Variants in ZDHHC11B observed in about 807,000 individuals in gnomAD.
The protein encoded by ZDHHC11B is zDHHC palmitoyltransferase 11B (putative), also known as probable palmitoyltransferase ZDHHC11B.
In ZDHHC11B, 17 loss-of-function variants were observed where a neutral mutation model predicts 42.3. That is an observed-to-expected ratio of 0.40 (90% CI 0.27 to 0.60). The LOEUF is 0.60. Among genes scored for constraint, ZDHHC11B ranks in the 20% least tolerant of loss-of-function variants. The pLI is 0.41. For missense variants in ZDHHC11B, 262 were observed against 463.2 expected, an observed-to-expected ratio of 0.57 and a Z score of 3.99; for synonymous variants, 123 against 193.5, an observed-to-expected ratio of 0.64 and a Z score of 3.02.
intron 1 of ZDHHC11B, among the ~76,000 whole-genome samples, chr5:769,891 G>C (rs1486064560): frequency 1.3e-5 from 2 of 151,926 alleles, no homozygotes; most frequent in African/African-American, 2.4e-5. Context: ...AAGGCCTCTC[G>C]GCAGCTTTTC....
intron 1 of ZDHHC11B, among the ~76,000 whole-genome samples, chr5:780,479 C>G (rs1220085192): frequency 6.6e-6 from 1 of 150,608 alleles, no homozygotes; most frequent in Non-Finnish European, 1.5e-5. Flanking sequence ...TCCACGTTAG[C>G]CAGCACAGCA....
In ZDHHC11B at chr5:710,850, GTA is replaced by G. The variant is rs1360728414; in HGVS notation, c.*1438_*1439del. On this transcript the variant is annotated 3_prime_UTR_variant, in exon 14 of 14. Coordinates refer to ENST00000508859, the MANE Select transcript of ZDHHC11B (RefSeq NM_001351303.2). ...CAGTACTGTGAGCTCCCATTTCCCA[GTA>G]CTGTGAGCTCCCATTTCCCAGTACT... The G allele has an allele frequency of 1.6e-4, 24 of 145,856 alleles. No individual in the cohort carries two copies. The highest frequency in any genetic ancestry group is 3.4e-4 in the Non-Finnish European group (23 of 67,158). The allele number at this position is 145,856 out of a possible 1,614,324, so 9.0% of individuals were successfully genotyped here.
chr5:777,565 C>G (rs969308152), intron 1 of ZDHHC11B, among the ~76,000 whole-genome samples: 1 of 151,952 alleles, frequency 6.6e-6, no homozygotes, highest in African/African-American at 2.4e-5. Flanking sequence ...CAGGGCGTTC[C>G]GGCTACCCGC....
At chr5:766,415 G>A (rs1735380641) in intron 4 of ZDHHC11B, among the ~76,000 whole-genome samples, 1 of 151,944 alleles carries the variant, frequency 6.6e-6, no homozygotes, top group African/African-American at 2.4e-5. Context: ...CCTGAGCCAT[G>A]TGGGAGCGGT....
At chr5:728,517 T>G (rs1297858002) in intron 12 of ZDHHC11B, among the ~76,000 whole-genome samples, 19 of 151,862 alleles carry the variant, frequency 1.3e-4, no homozygotes, top group African/African-American at 4.6e-4. Context: ...ATGCACATCA[T>G]GAGAGGGTGA....
rs1298852279 is a variant in ZDHHC11B at position 716,704 on chromosome 5, G to T, written c.*7+97C>A. On this transcript the variant is annotated intron_variant, in intron 13 of 13. Coordinates refer to ENST00000508859, the MANE Select transcript of ZDHHC11B (RefSeq NM_001351303.2). ...ACAAACGACAAGCAGCCCAGCCCTTGAGTTTGCACTGGTGATTTTTTAAAG... is the reference window on the plus strand; with the variant it reads ...ACAAACGACAAGCAGCCCAGCCCTTTAGTTTGCACTGGTGATTTTTTAAAG... 88 of 1,474,308 alleles carry T rather than the reference G, an allele frequency of 6.0e-5. No individual in the cohort carries two copies. The East Asian group carries it at 2.0e-3, about 33-fold the overall frequency. The allele number at this position is 1,474,308 out of a possible 1,614,324, so 91.3% of individuals were successfully genotyped here.
chr5:763,480 T>C (rs1487561167), intron 4 of ZDHHC11B, among the ~76,000 whole-genome samples: 1 of 151,728 alleles, frequency 6.6e-6, no homozygotes, highest in African/African-American at 2.4e-5. Context: ...GAATTCATTA[T>C]CAAAAGCCTT....
chr5:760,252 A>G (rs1269966042), intron 4 of ZDHHC11B, among the ~76,000 whole-genome samples: 2 of 151,840 alleles, frequency 1.3e-5, no homozygotes, highest in Non-Finnish European at 2.9e-5. Flanking sequence ...AACCCGCAGC[A>G]CCCGTGGATG....
intron 4 of ZDHHC11B, 111 bp downstream of exon 4, chr5:766,587 A>G (rs1185776519): frequency 5.0e-6 from 6 of 1,191,656 alleles, no homozygotes; most frequent in African/African-American, 2.9e-5. Flanking sequence ...CTGGCCCAGG[A>G]CAGGTGACTG....
At chr5:778,184 A>T (rs1454449488) in intron 1 of ZDHHC11B, among the ~76,000 whole-genome samples, 1 of 151,702 alleles carries the variant, frequency 6.6e-6, no homozygotes, top group East Asian at 1.9e-4. Context: ...AGTGCCCACC[A>T]CCCGGGCCAA....
At chr5:767,733 C>G (rs1735657815) in intron 2 of ZDHHC11B, among the ~76,000 whole-genome samples, 1 of 89,238 alleles carries the variant, frequency 1.1e-5, no homozygotes, top group African/African-American at 3.8e-5. Context: ...CATTTTACTT[C>G]TGCAGGCCAA....
At chr5:743,694 T>C (rs1332824924) in intron 9 of ZDHHC11B, among the ~76,000 whole-genome samples, 1 of 150,006 alleles carries the variant, frequency 6.7e-6, no homozygotes, top group Non-Finnish European at 1.5e-5. Flanking sequence ...CCCGGAGTTT[T>C]CATTGCTGGT....
rs1579426246 is a variant in ZDHHC11B, at chr5:766,041, T to C, written c.222+657A>G. 2.6e-5 allele frequency among the ~76,000 whole-genome samples: 4 copies of C among 152,006 alleles called. No individual in the cohort carries two copies. The East Asian group carries it at 7.7e-4, about 29-fold the overall frequency. On this transcript the variant is annotated intron_variant, in intron 4 of 13. Coordinates refer to ENST00000508859, the MANE Select transcript of ZDHHC11B (RefSeq NM_001351303.2). ...AGGCCCCTTTGTCCCCACACATCCA[T>C]GTCTCAGTGACCCTAGGGGGCCTGG...
At chr5:772,436 C>T (rs1736137583) in intron 1 of ZDHHC11B, among the ~76,000 whole-genome samples, 1 of 151,880 alleles carries the variant, frequency 6.6e-6, no homozygotes, top group South Asian at 2.1e-4. Flanking sequence ...AGGAAAAATG[C>T]TTCGGGCTGG....
intron 4 of ZDHHC11B, among the ~76,000 whole-genome samples, chr5:762,607 G>C (rs1375229342): frequency 6.6e-6 from 1 of 151,724 alleles, no homozygotes; most frequent in Non-Finnish European, 1.5e-5. Flanking sequence ...TTGAATGAGA[G>C]GCCAAAAGCC....
intron 12 of ZDHHC11B, among the ~76,000 whole-genome samples, chr5:717,164 C>G (rs1166723461): frequency 6.6e-6 from 1 of 151,184 alleles, no homozygotes; most frequent in Non-Finnish European, 1.5e-5. Context: ...GTTTGGATTT[C>G]CAGCATGAAA....
intron 8 of ZDHHC11B, among the ~76,000 whole-genome samples, chr5:746,004 G>C (rs1206017015): frequency 1.3e-5 from 2 of 149,952 alleles, no homozygotes; most frequent in African/African-American, 4.9e-5. Context: ...CAGCAGGCCG[G>C]CCAGAGCCCT....
Position 784,705 on chromosome 5 carries a change from G to C in ZDHHC11B, c.-267C>G, listed in dbSNP as rs1737129922. 6.7e-6 allele frequency among the ~76,000 whole-genome samples: 1 copy of C among 149,318 alleles called. No individual in the cohort carries two copies. Among genetic ancestry groups the C allele is most frequent in the South Asian group, 2.1e-4 (1 of 4,722 alleles). The stretch of plus-strand genomic sequence containing the variant: ...GCAACTGCAGCGGAGGCTCCCCCGC[G>C]ACCCGGCCGCGCGCGACCAAGTGCT... On this transcript the variant is annotated 5_prime_UTR_variant, in exon 1 of 14. Transcript: ENST00000508859.
chr5:730,587 A>G (rs1335474823), intron 11 of ZDHHC11B, 119 bp from the exon 12 acceptor site: 48 of 1,110,138 alleles, frequency 4.3e-5, no homozygotes, highest in Non-Finnish European at 5.9e-5. Flanking sequence ...GTACTTCAAG[A>G]ATGCCTGGAT....
Sources: allele counts gnomAD v4.1 joint callset (sites outside exome capture counted in the v4.1 genomes callset), GRCh38; gene constraint gnomAD v4.1.1; transcripts MANE v1.5; gene names NCBI Gene and HGNC (gene_info 2026-07-23, HGNC 2026-07-21).